CASKIN1: variants seen among roughly 807,000 people sequenced by gnomAD.
CASKIN1 encodes CASK interacting protein 1.
Under a neutral mutation model 117.5 loss-of-function variants are expected in CASKIN1, and 42 were observed. The observed-to-expected ratio is 0.36, with a 90% CI of 0.28 to 0.46. CASKIN1 has a LOEUF of 0.46. Ranked by LOEUF, CASKIN1 falls within the 20% of genes least tolerant of loss-of-function variation. The pLI, the probability that CASKIN1 is intolerant of heterozygous loss-of-function variation, is 1.00. For missense variants in CASKIN1, 2,083 were observed against 2,077.3 expected (o/e 1.00, Z -0.05); for synonymous variants, 1,148 against 961.7 (o/e 1.19, Z -3.59).
At position 2,183,953 on chromosome 16, in the gene CASKIN1, A is replaced by C; in HGVS notation, c.1417-12T>G. On this transcript the variant is annotated splice_polypyrimidine_tract_variant and intron_variant, in intron 14 of 19. Transcript: ENST00000343516. ...ACGGCCTCAGAGCTCTGGAAGACACAAGGCACCCACTGCAGGCTCGCCTGC... is the reference window on the plus strand; with the variant it reads ...ACGGCCTCAGAGCTCTGGAAGACACCAGGCACCCACTGCAGGCTCGCCTGC... 1 of 1,571,532 alleles carries C rather than the reference A, an allele frequency of 6.4e-7. No individual in the cohort carries two copies. The highest frequency in any genetic ancestry group is 8.7e-7 in the Non-Finnish European group (1 of 1,155,902).
In CASKIN1 at chr16:2,178,334, G is replaced by A. The variant is rs2093150563; in HGVS notation, c.*216C>T. ...GGTATTGCACGGGGAGCAGCAGGTG[G>A]GGAGGACCCGCGGGCGCAGGGTCTG... On this transcript the variant is annotated 3_prime_UTR_variant, in exon 20 of 20. Coordinates refer to ENST00000343516, the MANE Select transcript of CASKIN1 (RefSeq NM_020764.4). 4.4e-6 allele frequency: 2 copies of A among 451,144 alleles called. No homozygotes were observed. The highest frequency in any genetic ancestry group is 2.1e-5 in the African/African-American group (1 of 47,142). The allele number at this position is 451,144 out of a possible 1,614,324, so 27.9% of individuals were successfully genotyped here. A position where few individuals can be genotyped will look rare whatever the true frequency, so the allele number is the denominator to read the frequency against.
At position 2,181,115 on chromosome 16, in the gene CASKIN1, G is replaced by T. The variant is rs773392061; in HGVS notation, c.2253C>A (p.Ile751=). The T allele has an allele frequency of 2.7e-6, 4 of 1,483,498 alleles. No individual in the cohort carries two copies. The South Asian group carries it at 4.1e-5, about 15-fold the overall frequency. 91.9% of individuals were successfully genotyped at this position (1,483,498 alleles called of 1,614,324 possible). The part of the protein sequence containing the change: ...EARPGRHGHS[I]KRASVPPVPG... ...GCACGGGGGGCACGCTGGCCCTCTTGATGCTGTGGCCGTGGCGGCCGGGCC... is the reference window on the plus strand; with the variant it reads ...GCACGGGGGGCACGCTGGCCCTCTTTATGCTGTGGCCGTGGCGGCCGGGCC... Residue 751 remains isoleucine, a synonymous_variant, in exon 18 of 20, where the codon ATC becomes ATA. Transcript: ENST00000343516.
In CASKIN1 at chr16:2,196,297, C is replaced by T. The variant is rs1193523173; in HGVS notation, c.94+42G>A. The T allele has an allele frequency of 3.1e-6, 3 of 972,252 alleles. No individual in the cohort carries two copies. Among genetic ancestry groups the T allele is most frequent in the Non-Finnish European group, 3.9e-6 (3 of 776,958 alleles). 60.2% of individuals were successfully genotyped at this position (972,252 alleles called of 1,614,324 possible). A position where few individuals can be genotyped will look rare whatever the true frequency, so the allele number is the denominator to read the frequency against. Reference sequence around the variant, plus strand: ...TGGGGGGCTCCGCGCCGGGGAGGGGCCCCCGGGGCTCCCACCCGCGCCCCG... The same window carrying T: ...TGGGGGGCTCCGCGCCGGGGAGGGGTCCCCGGGGCTCCCACCCGCGCCCCG... On this transcript the variant is annotated intron_variant, in intron 1 of 19. Coordinates refer to ENST00000343516, the MANE Select transcript of CASKIN1 (RefSeq NM_020764.4). The surrounding 1 kb of genome is among the most constrained non-coding windows in gnomAD (Gnocchi z 5.7).
Position 2,181,112 on chromosome 16 carries a change from C to T in CASKIN1, c.2256G>A (p.Lys752=). Residue 752 remains lysine (K), a synonymous_variant, in exon 18 of 20, where the codon AAG becomes AAA. Transcript: ENST00000343516. The stretch of plus-strand genomic sequence containing the variant: ...CAGGCACGGGGGGCACGCTGGCCCT[C>T]TTGATGCTGTGGCCGTGGCGGCCGG... ...ARPGRHGHSI[K]RASVPPVPGK... is the part of the protein sequence containing the mutation. The T allele has an allele frequency of 6.7e-7, 1 of 1,483,610 alleles. No homozygotes were observed. Among genetic ancestry groups the T allele is most frequent in the Non-Finnish European group, 8.9e-7 (1 of 1,125,404 alleles). The allele number at this position is 1,483,610 out of a possible 1,614,324, so 91.9% of individuals were successfully genotyped here.
chr16:2,188,916 C>T (rs2093192739), intron 6 of CASKIN1, 111 bp downstream of exon 6: 13 of 1,453,606 alleles, frequency 8.9e-6, no homozygotes, highest in African/African-American at 2.8e-5. Context: ...GGACCTGGGA[C>T]CCTGCCTGCT....
intron 7 of CASKIN1, 36 bp downstream of exon 7, chr16:2,187,317 T>C (rs2141322233): frequency 1.2e-6 from 2 of 1,613,254 alleles, no homozygotes; most frequent in Non-Finnish European, 1.7e-6. Flanking sequence ...GCCCCTACAG[T>C]CCACTGGGCC....
intron 19 of CASKIN1, 27 bp downstream of exon 19, chr16:2,178,875 G>T (rs769130894): frequency 8.7e-6 from 12 of 1,372,784 alleles, no homozygotes; most frequent in East Asian, 3.1e-5. Context: ...CCCGCCCTCC[G>T]CCCGCCAGGC....
At chr16:2,183,604 T>C (rs747027645) in intron 16 of CASKIN1, 42 bp downstream of exon 16, 8 of 1,591,820 alleles carry the variant, frequency 5.0e-6, no homozygotes, top group Admixed American at 1.7e-5. Context: ...TCTGTCTGTC[T>C]GCCCGTCCTG....
chr16:2,195,323 C>A (rs1487367938), intron 1 of CASKIN1, among the ~76,000 whole-genome samples: 1 of 152,182 alleles, frequency 6.6e-6, no homozygotes, highest in Admixed American at 6.5e-5. Context: ...CGGCATCCCC[C>A]TGGAGGAAGG....
Position 2,177,988 on chromosome 16 carries a change from C to T in CASKIN1, c.*562G>A, listed in dbSNP as rs138680218. 2.5e-6 allele frequency: 1 copy of T among 392,210 alleles called. No homozygotes were observed. Among genetic ancestry groups the T allele is most frequent in the Non-Finnish European group, 4.8e-6 (1 of 208,480 alleles). The allele number at this position is 392,210 out of a possible 1,614,324, so 24.3% of individuals were successfully genotyped here. A position where few individuals can be genotyped will look rare whatever the true frequency, so the allele number is the denominator to read the frequency against. On this transcript the variant is annotated 3_prime_UTR_variant, in exon 20 of 20. Coordinates refer to ENST00000343516, the MANE Select transcript of CASKIN1 (RefSeq NM_020764.4). ...TTTTGTCCGGAGCTAGACTTCGTGT[C>T]CTTTCAGTTGGTAAATGGTTTTCTA...
intron 3 of CASKIN1, 149 bp downstream of exon 3, chr16:2,189,924 G>T: frequency 1.3e-6 from 1 of 746,504 alleles, no homozygotes. Flanking sequence ...CCCACCCCTG[G>T]CCTCCAGGAC....
At chr16:2,184,633 G>A (rs762556677) in intron 14 of CASKIN1, 144 bp downstream of exon 14, 52 of 616,014 alleles carry the variant, frequency 8.4e-5, no homozygotes, top group Non-Finnish European at 1.2e-4. Context: ...CACACAGACT[G>A]ACAGACAGAG....
chr16:2,178,978 C>T lies in CASKIN1; in HGVS notation c.4123G>A (p.Glu1375Lys), dbSNP rs771244348. The T allele has an allele frequency of 7.0e-6, 10 of 1,432,832 alleles. No individual in the cohort carries two copies. The highest frequency in any genetic ancestry group is 2.6e-5 in the Admixed American group (1 of 37,748). 88.8% of individuals were successfully genotyped at this position (1,432,832 alleles called of 1,614,324 possible). A position where few individuals can be genotyped will look rare whatever the true frequency, so the allele number is the denominator to read the frequency against. Reference protein sequence around the residue: ...PGDSARQKLEETSACLAAALQ... With the variant: ...PGDSARQKLEKTSACLAAALQ... ...GCCGCGGCCAGGCACGCGCTTGTCT[C>T]CTCCAGTTTCTGCCGGGCGCTGTCC... Residue 1375 changes from glutamate (E) to lysine (K), a missense_variant, in exon 19 of 20, where the codon GAG becomes AAG. Transcript: ENST00000343516.
chr16:2,190,577 T>C (rs1055274776), intron 1 of CASKIN1, among the ~76,000 whole-genome samples: 4 of 152,164 alleles, frequency 2.6e-5, no homozygotes, highest in Non-Finnish European at 5.9e-5. Flanking sequence ...CCCATTGCCC[T>C]GAGATGTGGG....
chr16:2,188,047 CTT>C (rs34355622), intron 6 of CASKIN1, among the ~76,000 whole-genome samples: 43 of 135,834 alleles, frequency 3.2e-4, no homozygotes, highest in East Asian at 4.3e-4. Flanking sequence ...CCATTCCCAG[CTT>C]TTTTTTTTTT....
chr16:2,191,796 C>G (rs1474388067), intron 1 of CASKIN1, among the ~76,000 whole-genome samples: 1 of 152,234 alleles, frequency 6.6e-6, no homozygotes, highest in Non-Finnish European at 1.5e-5. Flanking sequence ...ACACCTATAG[C>G]TTGTCCGTCA....
chr16:2,184,217 G>A (rs1369655032), intron 14 of CASKIN1, among the ~76,000 whole-genome samples: 3 of 152,048 alleles, frequency 2.0e-5, no homozygotes, highest in Admixed American at 6.5e-5. Flanking sequence ...TCCGCCACAC[G>A]CCTCCCTGAC....
At position 2,183,815 on chromosome 16, in the gene CASKIN1, C is replaced by T. The variant is rs573344041; in HGVS notation, c.1527+16G>A. On this transcript the variant is annotated intron_variant, in intron 15 of 19. Coordinates refer to ENST00000343516, the MANE Select transcript of CASKIN1 (RefSeq NM_020764.4). ...TGTGGGACGCAGCTGGCGCTGGCGG[C>T]GCATGGAAAGCTCACCTCGGGAGTC... 6.2e-6 allele frequency: 10 copies of T among 1,611,672 alleles called. No homozygotes were observed. Among genetic ancestry groups the T allele is most frequent in the East Asian group, 2.2e-5 (1 of 44,810 alleles).
rs751347432 is a variant in CASKIN1 at position 2,179,015 on chromosome 16, G to A, written c.4086C>T (p.Gly1362=). 108 of 1,191,800 alleles carry A rather than the reference G, an allele frequency of 9.1e-5. No homozygotes were observed. The highest frequency in any genetic ancestry group is 7.4e-4 in the South Asian group (19 of 25,560). The allele number at this position is 1,191,800 out of a possible 1,614,324, so 73.8% of individuals were successfully genotyped here. Residue 1362 remains glycine, a synonymous_variant, in exon 19 of 20, where the codon GGC becomes GGT. Coordinates refer to ENST00000343516, the MANE Select transcript of CASKIN1 (RefSeq NM_020764.4). The surrounding 1 kb of genome is among the most constrained non-coding windows in gnomAD (Gnocchi z 5.8). ...GCCGGGCGCTGTCCCCTGGCGAGGC[G>A]CCTTCGGGCGGGGCGGGGGGCGCGG... ...AAAAPPAPPE[G]ASPGDSARQK... is the part of the protein sequence containing the mutation.
Sources: gnomAD v4.1 joint callset for allele counts (sites outside exome capture counted in the v4.1 genomes callset) on GRCh38, gnomAD v4.1.1 for gene constraint, Gnocchi (gnomAD v3.1) non-coding constraint, MANE v1.5 for transcripts, NCBI Gene and HGNC (gene_info 2026-07-23, HGNC 2026-07-21) for gene names.